Variants in OXR1 observed in about 807,000 individuals in gnomAD.
The protein encoded by OXR1 is oxidation resistance protein 1.
In OXR1, 41 loss-of-function variants were observed where a neutral mutation model predicts 104.6. The observed-to-expected ratio is 0.39, with a 90% confidence interval of 0.31 to 0.51. OXR1 has a LOEUF of 0.51. Ranked by LOEUF, OXR1 falls within the 20% of genes least tolerant of loss-of-function variation. The pLI is 0.77. For missense variants in OXR1, 955 were observed against 1,031.9 expected, an observed-to-expected ratio of 0.93 and a Z score of 1.02; for synonymous variants, 348 against 348.4, an observed-to-expected ratio of 1.00 and a Z score of 0.01.
intron 2 of OXR1, among the ~76,000 whole-genome samples, chr8:106,374,408 C>T (rs1355033198): frequency 6.6e-6 from 1 of 152,142 alleles, no homozygotes; most frequent in Non-Finnish European, 1.5e-5. Flanking sequence ...TTATTATGGT[C>T]AAAATCAGTT....
chr8:106,279,456 G>A (rs1263478708), intron 1 of OXR1, among the ~76,000 whole-genome samples: 1 of 152,086 alleles, frequency 6.6e-6, no homozygotes, highest in Non-Finnish European at 1.5e-5. Flanking sequence ...GTTTTCTTTG[G>A]TATTGCAGTT....
At chr8:106,697,563 C>A in intron 7 of OXR1, 4 of 1,611,422 alleles carry the variant, frequency 2.5e-6, no homozygotes, top group Non-Finnish European at 3.4e-6. Flanking sequence ...TCTTAGGGAA[C>A]CAGTTGGGAT....
intron 3 of OXR1, among the ~76,000 whole-genome samples, chr8:106,655,132 C>G (rs1824938390): frequency 6.6e-6 from 1 of 151,738 alleles, no homozygotes; most frequent in South Asian, 2.1e-4. Context: ...CCTAGGGCTG[C>G]AAGTGTGACT....
At chr8:106,661,908 T>G (rs766487551) in intron 3 of OXR1, among the ~76,000 whole-genome samples, 22 of 152,310 alleles carry the variant, frequency 1.4e-4, no homozygotes, top group Middle Eastern at 3.4e-3. Flanking sequence ...GTGGTCTAGC[T>G]CTCACAAACT....
intron 1 of OXR1, among the ~76,000 whole-genome samples, chr8:106,303,994 G>T (rs1372052310): frequency 6.6e-6 from 1 of 152,042 alleles, no homozygotes; most frequent in Non-Finnish European, 1.5e-5. Flanking sequence ...AAATAACATT[G>T]CCTTAGTTTT....
chr8:106,381,732 G>C (rs1817158145), intron 2 of OXR1, among the ~76,000 whole-genome samples: 1 of 152,108 alleles, frequency 6.6e-6, no homozygotes, highest in South Asian at 2.1e-4. Flanking sequence ...ATTCATTCAT[G>C]AAGAAATGTT....
At chr8:106,309,017 C>T (rs1165812663) in intron 1 of OXR1, among the ~76,000 whole-genome samples, 1 of 150,826 alleles carries the variant, frequency 6.6e-6, no homozygotes, top group Non-Finnish European at 1.5e-5. Flanking sequence ...CTTGCTCTGT[C>T]ATACAGGCTG....
At chr8:106,483,827 C>G (rs1027927339) in intron 2 of OXR1, among the ~76,000 whole-genome samples, 1 of 151,942 alleles carries the variant, frequency 6.6e-6, no homozygotes, top group Non-Finnish European at 1.5e-5. Flanking sequence ...GAACCAACCT[C>G]CCCCAGATAA....
chr8:106,390,287 T>G (rs1368488191), intron 2 of OXR1, among the ~76,000 whole-genome samples: 2 of 152,214 alleles, frequency 1.3e-5, no homozygotes, highest in Admixed American at 1.3e-4. Context: ...CTAGGGACAC[T>G]ACTGGGACAC....
chr8:106,280,580 G>C (rs1243480815), intron 1 of OXR1, among the ~76,000 whole-genome samples: 1 of 152,130 alleles, frequency 6.6e-6, no homozygotes, highest in African/African-American at 2.4e-5. Flanking sequence ...ATGGGTGATG[G>C]GGGCATAGGG....
chr8:106,750,662 A>G, intron 16 of OXR1, 144 bp from the exon 17 acceptor site: 1 of 598,908 alleles, frequency 1.7e-6, no homozygotes, highest in Non-Finnish European at 2.8e-6. Flanking sequence ...TAGGAGTAAA[A>G]CAAAATTGTG....
intron 2 of OXR1, among the ~76,000 whole-genome samples, chr8:106,439,220 G>C (rs1341151507): frequency 6.6e-6 from 1 of 151,994 alleles, no homozygotes; most frequent in East Asian, 1.9e-4. Flanking sequence ...TAGATCAAGA[G>C]AGTAAAGCCC....
At chr8:106,513,000 C>T (rs560194494) in intron 2 of OXR1, among the ~76,000 whole-genome samples, 1 of 152,112 alleles carries the variant, frequency 6.6e-6, no homozygotes, top group East Asian at 1.9e-4. Flanking sequence ...TTGGGATGTA[C>T]GTTCATTCAT....
chr8:106,336,702 C>G (rs1041992075), intron 1 of OXR1, among the ~76,000 whole-genome samples: 1 of 152,166 alleles, frequency 6.6e-6, no homozygotes, highest in Non-Finnish European at 1.5e-5. Flanking sequence ...TCAGCTTTCT[C>G]TTCTGAAGAT....
chr8:106,507,126 G>T lies in OXR1; in HGVS notation c.24-11817G>T, dbSNP rs192566181. On this transcript the variant is annotated intron_variant, in intron 2 of 16. Transcript: ENST00000517566. ...AAAAGAGGCTTATTCAAGGAATAGT[G>T]AAAAAGGGAATATTTGGAGAATTAT... is the stretch of plus-strand genomic sequence containing the variant. Among the ~76,000 whole-genome samples the T allele has an allele frequency of 4.6e-5, 7 of 152,218 alleles. No individual in the cohort carries two copies. In the East Asian group the frequency reaches 1.2e-3, roughly 25 times the overall value.
At chr8:106,538,289 T>A (rs1655712693) in intron 3 of OXR1, among the ~76,000 whole-genome samples, 1 of 152,256 alleles carries the variant, frequency 6.6e-6, no homozygotes, top group South Asian at 2.1e-4. Flanking sequence ...TGTATTCAAA[T>A]GAAATTATTA....
chr8:106,429,121 C>T (rs905762751), intron 2 of OXR1, among the ~76,000 whole-genome samples: 4 of 152,060 alleles, frequency 2.6e-5, no homozygotes, highest in Admixed American at 2.6e-4. Context: ...GTCCTGGGCT[C>T]GCGTTCTGCC....
At chr8:106,709,209 C>A (rs1430251057) in intron 9 of OXR1, among the ~76,000 whole-genome samples, 1 of 152,056 alleles carries the variant, frequency 6.6e-6, no homozygotes, top group Non-Finnish European at 1.5e-5. Flanking sequence ...AGAACAAAAT[C>A]ATATGTGTTA....
At chr8:106,294,204 C>T (rs1285017277) in intron 1 of OXR1, among the ~76,000 whole-genome samples, 2 of 151,322 alleles carry the variant, frequency 1.3e-5, no homozygotes, top group African/African-American at 4.9e-5. Flanking sequence ...AATTCAAAAC[C>T]AGCTTGGCCA....
Sources: allele counts gnomAD v4.1 joint callset (sites outside exome capture counted in the v4.1 genomes callset), GRCh38; gene constraint gnomAD v4.1.1; transcripts MANE v1.5; gene names NCBI Gene and HGNC (gene_info 2026-07-23, HGNC 2026-07-21).